Variants in CARNMT1 observed in about 807,000 individuals in gnomAD.
The protein encoded by CARNMT1 is protein-L-histidine N-pros-methyltransferase CARNMT1.
CARNMT1 carries 28 observed loss-of-function variants against 49.6 expected under a neutral mutation model. That is an observed-to-expected ratio of 0.56 (90% CI 0.42 to 0.77). CARNMT1 has a LOEUF of 0.77. Among genes scored for constraint, CARNMT1 ranks in the 30% least tolerant of loss-of-function variants. The probability of loss-of-function intolerance (pLI) is 0.00; values close to 1 mark genes in which losing one functional copy is unlikely to be tolerated. For synonymous variants in CARNMT1, 178 were observed against 175.0 expected, an observed-to-expected ratio of 1.02 and a Z score of -0.13; for missense variants, 421 against 512.6, an observed-to-expected ratio of 0.82 and a Z score of 1.73.
intron 6 of CARNMT1, among the ~76,000 whole-genome samples, chr9:74,989,790 C>G (rs981402129): frequency 1.3e-5 from 2 of 152,112 alleles, no homozygotes; most frequent in African/African-American, 4.8e-5. Flanking sequence ...CACTCAAAGT[C>G]AACAGCACAG....
chr9:74,993,185 G>A (rs1418295482), intron 6 of CARNMT1, among the ~76,000 whole-genome samples: 1 of 152,164 alleles, frequency 6.6e-6, no homozygotes, highest in Non-Finnish European at 1.5e-5. Context: ...GCATATGGGT[G>A]CTAATACCAA....
chr9:74,983,673 TTG>T lies in CARNMT1; in HGVS notation c.*92_*93del. The T allele has an allele frequency of 1.5e-6, 1 of 662,934 alleles. No individual in the cohort carries two copies. The highest frequency in any genetic ancestry group is 2.6e-6 in the Non-Finnish European group (1 of 382,240). 41.1% of individuals were successfully genotyped at this position (662,934 alleles called of 1,614,324 possible). A position where few individuals can be genotyped will look rare whatever the true frequency, so the allele number is the denominator to read the frequency against. ...ATAAGAAGGCACCACTGATTTGAGGTTGTGTCCTGTCATCACTGATAGTTGAT... is the reference window on the plus strand; with the variant it reads ...ATAAGAAGGCACCACTGATTTGAGGTTGTCCTGTCATCACTGATAGTTGAT... On this transcript the variant is annotated 3_prime_UTR_variant, in exon 8 of 8. Coordinates refer to ENST00000376834, the MANE Select transcript of CARNMT1 (RefSeq NM_152420.3).
chr9:75,017,183 GAAAAT>G (rs780145467), intron 2 of CARNMT1, 65 bp downstream of exon 2: 1 of 1,219,286 alleles, frequency 8.2e-7, no homozygotes, highest in Non-Finnish European at 1.2e-6. Context: ...ATGAAATCCA[GAAAAT>G]AAAAGACCTC....
chr9:74,998,556 G>A (rs1833263397), intron 5 of CARNMT1, 42 bp downstream of exon 5: 1 of 1,447,056 alleles, frequency 6.9e-7, no homozygotes, highest in Non-Finnish European at 9.2e-7. Flanking sequence ...ATTAAATTTA[G>A]AATAAAGGAC....
At chr9:75,005,036 AAATT>A (rs1267308648) in intron 3 of CARNMT1, among the ~76,000 whole-genome samples, 1 of 152,196 alleles carries the variant, frequency 6.6e-6, no homozygotes, top group Non-Finnish European at 1.5e-5. Context: ...TCTTATATTT[AAATT>A]ATTAGACATT....
At chr9:75,025,320 TAAG>T (rs1031011021) in intron 1 of CARNMT1, among the ~76,000 whole-genome samples, 10 of 152,204 alleles carry the variant, frequency 6.6e-5, no homozygotes, top group African/African-American at 1.9e-4. Flanking sequence ...GTGATTATTT[TAAG>T]AAGATACTGG....
intron 3 of CARNMT1, among the ~76,000 whole-genome samples, chr9:75,002,695 T>C (rs1833397655): frequency 6.6e-6 from 1 of 152,208 alleles, no homozygotes; most frequent in Non-Finnish European, 1.5e-5. Context: ...AAAAGAGATC[T>C]AAAGCAAATA....
intron 3 of CARNMT1, among the ~76,000 whole-genome samples, chr9:75,010,721 A>T (rs1055256792): frequency 6.6e-6 from 1 of 152,192 alleles, no homozygotes; most frequent in African/African-American, 2.4e-5. Context: ...GACATTAGCA[A>T]ATCTTAACCA....
chr9:75,016,210 A>G, intron 3 of CARNMT1, 58 bp downstream of exon 3: 1 of 1,299,154 alleles, frequency 7.7e-7, no homozygotes, highest in Non-Finnish European at 1.1e-6. Flanking sequence ...ACATTTTATC[A>G]AGAAACTCAA....
Position 75,016,348 on chromosome 9 carries a change from A to G in CARNMT1, c.510T>C (p.Ser170=). 1 of 1,613,940 alleles carries G rather than the reference A, an allele frequency of 6.2e-7. No individual in the cohort carries two copies. The highest frequency in any genetic ancestry group is 8.5e-7 in the Non-Finnish European group (1 of 1,179,928). ...CATCCCTTTCTGCTTTCCCAGTTTC[A>G]CTCCAGTCTCTCACAAACTGTTTCA... The part of the protein sequence containing the change: ...STLKQFVRDW[S]ETGKAERDAC... The change falls in exon 3 of 8, where the codon AGT becomes AGC. Residue 170 remains serine, a synonymous_variant. Coordinates refer to ENST00000376834, the MANE Select transcript of CARNMT1 (RefSeq NM_152420.3).
chr9:74,998,000 T>C (rs576389731), intron 5 of CARNMT1, among the ~76,000 whole-genome samples: 1 of 152,280 alleles, frequency 6.6e-6, no homozygotes, highest in South Asian at 2.1e-4. Flanking sequence ...CCCTCTCCAC[T>C]TTCCCTATTA....
chr9:75,023,366 T>C (rs941132958), intron 1 of CARNMT1, among the ~76,000 whole-genome samples: 7 of 152,178 alleles, frequency 4.6e-5, no homozygotes, highest in African/African-American at 1.7e-4. Context: ...AAATGTTCAG[T>C]TATATTCCCA....
chr9:74,995,456 CT>C (rs1027405867), intron 6 of CARNMT1, among the ~76,000 whole-genome samples: 7 of 152,074 alleles, frequency 4.6e-5, no homozygotes, highest in African/African-American at 1.7e-4. Flanking sequence ...CCCAAGGTAA[CT>C]ACTTTTAAAG....
intron 6 of CARNMT1, among the ~76,000 whole-genome samples, chr9:74,990,705 C>A (rs1247060487): frequency 6.6e-6 from 1 of 152,134 alleles, no homozygotes; most frequent in Non-Finnish European, 1.5e-5. Flanking sequence ...AATGGCTGGT[C>A]AGACAAAGTA....
At chr9:74,989,118 T>C (rs1832940229) in intron 6 of CARNMT1, among the ~76,000 whole-genome samples, 1 of 152,162 alleles carries the variant, frequency 6.6e-6, no homozygotes, top group South Asian at 2.1e-4. Flanking sequence ...CTTTTTTTCA[T>C]TTTTTTACTG....
At chr9:75,024,632 A>T (rs1822471538) in intron 1 of CARNMT1, among the ~76,000 whole-genome samples, 1 of 152,212 alleles carries the variant, frequency 6.6e-6, no homozygotes. Context: ...AATCTGTGGG[A>T]ATCACAAAAT....
At chr9:75,023,086 G>A (rs1014153716) in intron 1 of CARNMT1, among the ~76,000 whole-genome samples, 1 of 149,346 alleles carries the variant, frequency 6.7e-6, no homozygotes, top group African/African-American at 2.5e-5. Context: ...AGGTTGCAGT[G>A]AGTTGAGATT....
chr9:75,007,740 AATAAT>A lies in CARNMT1; in HGVS notation c.591-7875_591-7871del, dbSNP rs1192489473. 1.1e-4 allele frequency among the ~76,000 whole-genome samples: 16 copies of A among 148,050 alleles called. 2 individuals carry two copies. The highest frequency in any genetic ancestry group is 1.9e-4 in the East Asian group (1 of 5,140). On this transcript the variant is annotated intron_variant, in intron 3 of 7. Coordinates refer to ENST00000376834, the MANE Select transcript of CARNMT1 (RefSeq NM_152420.3). ...CGAGACCCTGTCTCAAAAAAATAAA[AATAAT>A]AAAAAAAAAAAAACTAAGAAAATTC...
intron 3 of CARNMT1, among the ~76,000 whole-genome samples, chr9:75,013,828 A>AC (rs1833768170): frequency 6.6e-6 from 1 of 151,816 alleles, no homozygotes; most frequent in Non-Finnish European, 1.5e-5. Context: ...ACATAGCAAG[A>AC]CCCCTGCCTC....
Sources: gnomAD v4.1 joint callset for allele counts (sites outside exome capture counted in the v4.1 genomes callset) on GRCh38, gnomAD v4.1.1 for gene constraint, MANE v1.5 for transcripts, NCBI Gene and HGNC (gene_info 2026-07-23, HGNC 2026-07-21) for gene names.